Variants in GABRA1 observed in about 807,000 individuals in gnomAD.
GABRA1 encodes gamma-aminobutyric acid receptor subunit alpha-1.
In GABRA1, 9 loss-of-function variants were observed where a neutral mutation model predicts 48.9. That is an observed-to-expected ratio of 0.18 (90% CI 0.11 to 0.32). GABRA1 has a LOEUF of 0.32. Ranked by LOEUF, GABRA1 falls within the 10% of genes least tolerant of loss-of-function variation. The pLI, the probability that GABRA1 is intolerant of heterozygous loss-of-function variation, is 1.00. For synonymous variants in GABRA1, 210 were observed against 198.7 expected, an observed-to-expected ratio of 1.06 and a Z score of -0.48; for missense variants, 285 against 553.8, an observed-to-expected ratio of 0.51 and a Z score of 4.87.
At chr5:161,876,442 G>A (rs543817716) in intron 6 of GABRA1, among the ~76,000 whole-genome samples, 1 of 152,190 alleles carries the variant, frequency 6.6e-6, no homozygotes, top group South Asian at 2.1e-4. Flanking sequence ...TCAACTCCTG[G>A]ACTACCTAAC....
rs192353968 is a variant in GABRA1, at chr5:161,849,167, G to T, written c.-16+745G>T. The stretch of plus-strand genomic sequence containing the variant: ...ACTTTCTTAACAACTGAAGTGCCAT[G>T]ATAGGTTTGTTTTTCTCTTTTAAAA... On this transcript the variant is annotated intron_variant, in intron 1 of 9. Coordinates refer to ENST00000393943, the MANE Select transcript of GABRA1 (RefSeq NM_001127644.2). 1.3e-3 allele frequency: 334 copies of T among 262,880 alleles called. 2 individuals are homozygous for T. Among genetic ancestry groups the T allele is most frequent in the African/African-American group, 7.1e-3 (303 of 42,644 alleles). The allele number at this position is 262,880 out of a possible 1,614,324, so 16.3% of individuals were successfully genotyped here.
At chr5:161,897,034 G>C in intron 9 of GABRA1, 77 bp from the exon 10 acceptor site, 1 of 1,341,702 alleles carries the variant, frequency 7.5e-7, no homozygotes, top group Non-Finnish European at 1.1e-6. Context: ...GCAAAATAAG[G>C]GCCACCTTGC....
At chr5:161,879,218 C>T (rs983993959) in intron 6 of GABRA1, among the ~76,000 whole-genome samples, 4 of 152,184 alleles carry the variant, frequency 2.6e-5, no homozygotes, top group Admixed American at 1.3e-4. Context: ...AAGTGGTCCT[C>T]GTACCTCAGC....
At chr5:161,862,816 G>T (rs1757913605) in intron 3 of GABRA1, among the ~76,000 whole-genome samples, 1 of 151,928 alleles carries the variant, frequency 6.6e-6, no homozygotes, top group South Asian at 2.1e-4. Context: ...TCACTCCAAT[G>T]CTATGTAGTC....
At chr5:161,889,512 T>C (rs1754994553) in intron 7 of GABRA1, among the ~76,000 whole-genome samples, 1 of 152,090 alleles carries the variant, frequency 6.6e-6, no homozygotes, top group Admixed American at 6.5e-5. Flanking sequence ...ACTGAGGACC[T>C]GGTACTTGGG....
At chr5:161,874,419 C>T (rs1392970534) in intron 5 of GABRA1, among the ~76,000 whole-genome samples, 1 of 151,238 alleles carries the variant, frequency 6.6e-6, no homozygotes, top group African/African-American at 2.4e-5. Context: ...TAAGCAGGAC[C>T]TATTCGTAAT....
upstream of GABRA1, chr5:161,847,862 GAA>G (rs1167618178): frequency 2.0e-5 from 3 of 152,144 alleles, no homozygotes; most frequent in African/African-American, 7.2e-5. Flanking sequence ...TTGCAAGTGT[GAA>G]AAGACTCTAA....
intron 3 of GABRA1, among the ~76,000 whole-genome samples, chr5:161,857,685 A>G (rs923926304): frequency 1.3e-5 from 2 of 151,628 alleles, no homozygotes; most frequent in Non-Finnish European, 3.0e-5. Flanking sequence ...TAAAGAGAAA[A>G]ATAAGATAGC....
chr5:161,892,437 C>T (rs1002732504), intron 8 of GABRA1, among the ~76,000 whole-genome samples: 2 of 152,180 alleles, frequency 1.3e-5, no homozygotes, highest in Non-Finnish European at 2.9e-5. Flanking sequence ...CTGAACTTGG[C>T]AATATGCTTC....
chr5:161,869,513 C>T (rs182474480), intron 4 of GABRA1, among the ~76,000 whole-genome samples: 21 of 152,266 alleles, frequency 1.4e-4, no homozygotes, highest in Admixed American at 6.5e-4. Context: ...CATTAATTGG[C>T]AATCAAACAG....
At chr5:161,890,835 C>G in intron 7 of GABRA1, 63 bp from the exon 8 acceptor site, 1 of 1,451,876 alleles carries the variant, frequency 6.9e-7, no homozygotes, top group Non-Finnish European at 9.7e-7. Context: ...TCATAGTAAA[C>G]CTCAGAGATT....
chr5:161,888,533 A>G (rs181072493), intron 7 of GABRA1, among the ~76,000 whole-genome samples: 2 of 152,246 alleles, frequency 1.3e-5, no homozygotes, highest in African/African-American at 4.8e-5. Flanking sequence ...GAGAACAACA[A>G]AAGATAATGG....
intron 3 of GABRA1, among the ~76,000 whole-genome samples, chr5:161,860,881 TC>T (rs1362713197): frequency 6.6e-6 from 1 of 151,912 alleles, no homozygotes; most frequent in Non-Finnish European, 1.5e-5. Context: ...GTGCAGCTAC[TC>T]TTGACCTTTT....
At chr5:161,867,856 G>T (rs1048698082) in intron 4 of GABRA1, among the ~76,000 whole-genome samples, 1 of 151,438 alleles carries the variant, frequency 6.6e-6, no homozygotes, top group African/African-American at 2.4e-5. Flanking sequence ...TTTAGCTTTC[G>T]GCCACATATA....
At chr5:161,857,542 A>G (rs1035967938) in intron 3 of GABRA1, among the ~76,000 whole-genome samples, 2 of 151,606 alleles carry the variant, frequency 1.3e-5, no homozygotes, top group African/African-American at 4.8e-5. Context: ...GATAAGAGCA[A>G]CCATGCAGAA....
Position 161,891,037 on chromosome 5 carries a change from A to G in GABRA1, c.843A>G (p.Ala281=), listed in dbSNP as rs1422132156. 1.9e-6 allele frequency: 3 copies of G among 1,613,726 alleles called. No homozygotes were observed. Among genetic ancestry groups the G allele is most frequent in the Non-Finnish European group, 2.5e-6 (3 of 1,179,788 alleles). The part of the protein sequence containing the change: ...SFWLNRESVP[A]RTVFGVTTVL... Reference sequence around the variant, plus strand: ...GGCTCAACAGAGAGTCTGTACCAGCAAGAACTGTCTTTGGTAAGTCCCAAT... The same window carrying G: ...GGCTCAACAGAGAGTCTGTACCAGCGAGAACTGTCTTTGGTAAGTCCCAAT... The change falls in exon 8 of 10, where the codon GCA becomes GCG. Residue 281 remains alanine, a synonymous_variant. Transcript: ENST00000393943.
At chr5:161,853,033 G>A (rs571246731) in intron 2 of GABRA1, among the ~76,000 whole-genome samples, 2 of 151,892 alleles carry the variant, frequency 1.3e-5, no homozygotes, top group South Asian at 2.1e-4. Context: ...TATATTTGTG[G>A]CAGTTTCTTA....
In GABRA1 at chr5:161,873,117, G is replaced by A. The variant is rs1189646450; in HGVS notation, c.256G>A (p.Glu86Lys). The A allele has an allele frequency of 6.2e-7, 1 of 1,600,932 alleles. No individual in the cohort carries two copies. Among genetic ancestry groups the A allele is most frequent in the Non-Finnish European group, 8.6e-7 (1 of 1,168,198 alleles). Residue 86 changes from glutamate to lysine, a missense_variant and splice_region_variant, in exon 5 of 10, where the codon GAA (glutamate) becomes AAA (lysine). Physicochemically the swap from Glu to Lys is moderately conservative, Grantham distance 56. Coordinates refer to ENST00000393943, the MANE Select transcript of GABRA1 (RefSeq NM_001127644.2). ...TTCGTCATTTTCCAAAATTACCTAGGAATATACAATAGATGTATTTTTCCG... is the reference window on the plus strand; with the variant it reads ...TTCGTCATTTTCCAAAATTACCTAGAAATATACAATAGATGTATTTTTCCG... Reference protein sequence around the residue: ...SFGPVSDHDMEYTIDVFFRQS... With the variant: ...SFGPVSDHDMKYTIDVFFRQS...
intron 7 of GABRA1, among the ~76,000 whole-genome samples, chr5:161,886,973 T>G (rs74601463): frequency 0.01 from 1,595 of 152,104 alleles, 30 homozygotes; most frequent in African/African-American, 0.036. Flanking sequence ...CTACAGTGAC[T>G]TAAGGCCATG....
Sources: allele counts gnomAD v4.1 joint callset (sites outside exome capture counted in the v4.1 genomes callset), GRCh38; gene constraint gnomAD v4.1.1; transcripts MANE v1.5; gene names NCBI Gene and HGNC (gene_info 2026-07-23, HGNC 2026-07-21).